The following PROS1 variants were observed in gnomAD, a reference collection of about 807,000 sequenced individuals.
PROS1 encodes the protein protein S.
Under a neutral mutation model 75.9 loss-of-function variants are expected in PROS1, and 29 were observed. The ratio of observed to expected loss-of-function variants is 0.38; its 90% CI spans 0.28 to 0.52. The LOEUF (loss-of-function observed/expected upper bound fraction) is 0.52. Ranked by LOEUF, PROS1 falls within the 20% of genes least tolerant of loss-of-function variation. The pLI is 0.83. For synonymous variants in PROS1, 245 were observed against 280.6 expected (o/e 0.87, Z 1.27); for missense variants, 680 against 810.3 (o/e 0.84, Z 1.95).
intron 10 of PROS1, among the ~76,000 whole-genome samples, chr3:93,890,698 A>G (rs1429614625): frequency 3.3e-5 from 5 of 152,104 alleles, no homozygotes; most frequent in African/African-American, 1.2e-4. Context: ...AATGCCTTGA[A>G]CTCAGGAACT....
chr3:93,966,816 A>G (rs1709797615), intron 1 of PROS1, among the ~76,000 whole-genome samples: 1 of 151,998 alleles, frequency 6.6e-6, no homozygotes, highest in Non-Finnish European at 1.5e-5. Context: ...TTCCAAAAAA[A>G]AAAAAAAAAA....
chr3:93,943,106 C>T (rs189394720), intron 1 of PROS1, among the ~76,000 whole-genome samples: 253 of 152,220 alleles, frequency 1.7e-3, no homozygotes, highest in Non-Finnish European at 2.2e-3. Context: ...CTTTATTAGT[C>T]AAATCACCCA....
Position 93,874,388 on chromosome 3 carries a change from T to C in PROS1, c.1888A>G (p.Thr630Ala). ...GGLPDVPFSA[T>A]PVNAFYNGCM... is the part of the protein sequence containing the mutation. ...CCATTATAAAAGGCATTCACTGGTG[T>C]GGCACTGAATGGAACATCTGTAAAA... Residue 630 changes from threonine (T) to alanine (A), a missense_variant, in exon 15 of 15, where the codon ACA (threonine) becomes GCA (alanine). Thr to Ala is a moderately conservative substitution (Grantham distance 58). Coordinates refer to ENST00000394236, the MANE Select transcript of PROS1 (RefSeq NM_000313.4). The C allele has an allele frequency of 1.2e-6, 2 of 1,613,406 alleles. No homozygotes were observed. The highest frequency in any genetic ancestry group is 1.7e-6 in the Non-Finnish European group (2 of 1,179,492).
rs1709639730 is a variant in PROS1 at position 93,958,169 on chromosome 3, T to A, written c.76+15505A>T. Among the ~76,000 whole-genome samples the A allele has an allele frequency of 2.6e-5, 4 of 152,168 alleles. No individual in the cohort carries two copies. In the South Asian group the frequency reaches 8.3e-4, roughly 31 times the overall value. On this transcript the variant is annotated intron_variant, in intron 1 of 14. Coordinates refer to ENST00000394236, the MANE Select transcript of PROS1 (RefSeq NM_000313.4). ...CCCCCTAAATTATTATTTTTACTTA[T>A]ATGTTTTTGTAAGATATATGTAAAA...
intron 4 of PROS1, among the ~76,000 whole-genome samples, chr3:93,906,479 G>A (rs1231109285): frequency 3.9e-5 from 6 of 152,274 alleles, no homozygotes; most frequent in East Asian, 3.9e-4. Flanking sequence ...CTTTCCTGTC[G>A]TGGCTCCGGA....
chr3:93,891,488 C>T (rs1216205924), intron 10 of PROS1, among the ~76,000 whole-genome samples: 6 of 152,024 alleles, frequency 3.9e-5, no homozygotes, highest in Non-Finnish European at 8.8e-5. Context: ...AGTGCAGTGG[C>T]GTGATCTCGG....
chr3:93,875,524 A>C (rs1708169399), intron 14 of PROS1, among the ~76,000 whole-genome samples: 1 of 152,148 alleles, frequency 6.6e-6, no homozygotes, highest in Admixed American at 6.5e-5. Flanking sequence ...AATTGCATTC[A>C]ACTAACTTGT....
At chr3:93,875,843 A>G (rs1451603167) in intron 14 of PROS1, among the ~76,000 whole-genome samples, 1 of 152,196 alleles carries the variant, frequency 6.6e-6, no homozygotes, top group African/African-American at 2.4e-5. Context: ...AATTCTCCCC[A>G]TGAGAATAAA....
At chr3:93,935,141 T>C (rs1470398098) in intron 1 of PROS1, among the ~76,000 whole-genome samples, 1 of 152,196 alleles carries the variant, frequency 6.6e-6, no homozygotes, top group Non-Finnish European at 1.5e-5. Flanking sequence ...CAGTGATCAA[T>C]GAAGATGCTT....
chr3:93,915,401 G>T (rs553272510), intron 3 of PROS1, among the ~76,000 whole-genome samples: 1 of 152,172 alleles, frequency 6.6e-6, no homozygotes, highest in Non-Finnish European at 1.5e-5. Flanking sequence ...GGGAGGCAGA[G>T]GCTGCAGTGA....
intron 10 of PROS1, among the ~76,000 whole-genome samples, chr3:93,888,251 T>C (rs1708379840): frequency 6.6e-6 from 1 of 152,222 alleles, no homozygotes; most frequent in African/African-American, 2.4e-5. Flanking sequence ...GGCAACACCA[T>C]GTATGCCCTT....
intron 1 of PROS1, among the ~76,000 whole-genome samples, chr3:93,950,009 A>T (rs1381402150): frequency 6.6e-6 from 1 of 152,216 alleles, no homozygotes; most frequent in East Asian, 1.9e-4. Context: ...CAATGGTCTT[A>T]TCAAATGGCA....
intron 1 of PROS1, among the ~76,000 whole-genome samples, chr3:93,950,929 A>G (rs1359721076): frequency 1.3e-5 from 2 of 152,198 alleles, no homozygotes; most frequent in African/African-American, 2.4e-5. Context: ...CAAAGAAGCT[A>G]AAAACCTTGA....
intron 3 of PROS1, chr3:93,911,018 T>C (rs1180017620): frequency 9.5e-6 from 3 of 317,378 alleles, no homozygotes; most frequent in African/African-American, 6.5e-5. Context: ...TAAGTCTATG[T>C]TTTTAATTCC....
intron 1 of PROS1, among the ~76,000 whole-genome samples, chr3:93,928,076 A>C (rs757288062): frequency 4.6e-4 from 58 of 127,206 alleles, no homozygotes; most frequent in Non-Finnish European, 7.4e-4. Context: ...GTGCAGTGGC[A>C]TGATCTCGGC....
chr3:93,921,721 A>T (rs1403838752), intron 3 of PROS1, among the ~76,000 whole-genome samples: 1 of 152,092 alleles, frequency 6.6e-6, no homozygotes, highest in Non-Finnish European at 1.5e-5. Context: ...TTGAGTTTAG[A>T]ATATTTTCCC....
intron 3 of PROS1, among the ~76,000 whole-genome samples, chr3:93,911,768 A>T (rs1485440403): frequency 6.6e-6 from 1 of 152,214 alleles, no homozygotes; most frequent in Non-Finnish European, 1.5e-5. Flanking sequence ...CAGAGAAAGC[A>T]AACTGCCATG....
At chr3:93,924,131 G>A in intron 3 of PROS1, 109 bp downstream of exon 3, 1 of 716,614 alleles carries the variant, frequency 1.4e-6, no homozygotes, top group South Asian at 5.0e-5. Context: ...TCACTCCCAA[G>A]GATAATGAAA....
At chr3:93,914,569 G>T (rs1708811155) in intron 3 of PROS1, among the ~76,000 whole-genome samples, 1 of 152,148 alleles carries the variant, frequency 6.6e-6, no homozygotes, top group Non-Finnish European at 1.5e-5. Context: ...GTCTTGCTCT[G>T]GGCCAGTGAT....
Sources: gnomAD v4.1 joint callset for allele counts (sites outside exome capture counted in the v4.1 genomes callset) on GRCh38, gnomAD v4.1.1 for gene constraint, MANE v1.5 for transcripts, NCBI Gene and HGNC (gene_info 2026-07-23, HGNC 2026-07-21) for gene names.